STRA6: variants seen among roughly 807,000 people sequenced by gnomAD.
The protein encoded by STRA6 is signaling receptor and transporter of retinol STRA6.
In STRA6, 48 loss-of-function variants were observed where a neutral mutation model predicts 83.6. The ratio of observed to expected loss-of-function variants is 0.57; its 90% CI spans 0.46 to 0.73. STRA6 has a LOEUF of 0.73. Among genes scored for constraint, STRA6 ranks in the 30% least tolerant of loss-of-function variants. The probability of loss-of-function intolerance (pLI) is 0.00; values close to 1 mark genes in which losing one functional copy is unlikely to be tolerated. For missense variants in STRA6, 760 were observed against 838.8 expected, an observed-to-expected ratio of 0.91 and a Z score of 1.16; for synonymous variants, 353 against 362.3, an observed-to-expected ratio of 0.97 and a Z score of 0.29.
At chr15:74,193,677 C>CTGAGCA in intron 8 of STRA6, 123 bp downstream of exon 8, 1 of 1,523,396 alleles carries the variant, frequency 6.6e-7, no homozygotes, top group East Asian at 2.3e-5. Flanking sequence ...CAAACATTTT[C>CTGAGCA]TGAGCATCTA....
In STRA6 at chr15:74,189,295, T is replaced by A; in HGVS notation, c.928-18A>T. On this transcript the variant is annotated intron_variant, in intron 11 of 18. Transcript: ENST00000395105. ...AGGGCCACCTGGAAGAGCCCCACAGTGAGGGCCCCATCCCAGGAAAGGGTT... is the reference window on the plus strand; with the variant it reads ...AGGGCCACCTGGAAGAGCCCCACAGAGAGGGCCCCATCCCAGGAAAGGGTT... The A allele has an allele frequency of 6.3e-7, 1 of 1,580,408 alleles. No homozygotes were observed. Among genetic ancestry groups the A allele is most frequent in the Non-Finnish European group, 8.6e-7 (1 of 1,163,082 alleles).
At chr15:74,202,848 C>G, upstream of STRA6, 1 of 1,053,936 alleles carries the variant, frequency 9.5e-7, no homozygotes, top group South Asian at 4.4e-5. Context: ...CTGCCCCTTT[C>G]TGGCCCCTTT....
At chr15:74,212,086 AG>A, upstream of STRA6, 1 of 152,650 alleles carries the variant, frequency 6.6e-6, no homozygotes, top group Middle Eastern at 3.4e-3. Flanking sequence ...GTGCTGACTC[AG>A]TGCTGCCCCT....
At chr15:74,194,973 A>T in intron 7 of STRA6, 1 of 1,431,720 alleles carries the variant, frequency 7.0e-7, no homozygotes, top group Non-Finnish European at 9.1e-7. Flanking sequence ...CTCCAGCCTG[A>T]CCAAAGGGAA....
At chr15:74,195,275 C>T (rs2073754122) in intron 7 of STRA6, 27 bp downstream of exon 7, 7 of 1,609,674 alleles carry the variant, frequency 4.3e-6, no homozygotes, top group Non-Finnish European at 5.1e-6. Context: ...CGCCCCTCTG[C>T]CCTAGGCCAT....
intron 16 of STRA6, among the ~76,000 whole-genome samples, chr15:74,181,848 C>T (rs1222598445): frequency 6.6e-6 from 1 of 152,184 alleles, no homozygotes; most frequent in Non-Finnish European, 1.5e-5. Context: ...ACAGGGAACT[C>T]CCTTGCTACA....
chr15:74,202,552 G>C, intron 1 of STRA6, 161 bp downstream of exon 1: 1 of 1,471,272 alleles, frequency 6.8e-7, no homozygotes. Flanking sequence ...CTGTCCCCTT[G>C]GGGCCCCGGG....
chr15:74,196,207 C>G (rs2073814918), intron 4 of STRA6, 60 bp from the exon 5 acceptor site: 3 of 1,601,856 alleles, frequency 1.9e-6, no homozygotes, highest in Middle Eastern at 1.6e-4. Context: ...CCCCCATTAC[C>G]TCCCAGCTGT....
intron 16 of STRA6, among the ~76,000 whole-genome samples, chr15:74,181,829 T>C (rs2073007987): frequency 6.6e-6 from 1 of 152,168 alleles, no homozygotes; most frequent in African/African-American, 2.4e-5. Flanking sequence ...CCCACAGACT[T>C]GTCATCTGAC....
intron 2 of STRA6, among the ~76,000 whole-genome samples, chr15:74,200,797 T>G (rs1036556061): frequency 6.6e-6 from 1 of 152,224 alleles, no homozygotes; most frequent in East Asian, 1.9e-4. Context: ...GTCACCCACA[T>G]GAGGGACTGG....
chr15:74,207,265 G>C (rs1462154030), upstream of STRA6, among the ~76,000 whole-genome samples: 2 of 152,128 alleles, frequency 1.3e-5, no homozygotes, highest in East Asian at 3.8e-4. Flanking sequence ...AGCATCCCCA[G>C]AACCTCAGAA....
chr15:74,211,787 ACT>A (rs1205715395), upstream of STRA6, among the ~76,000 whole-genome samples: 1 of 149,504 alleles, frequency 6.7e-6, no homozygotes, highest in South Asian at 2.1e-4. Flanking sequence ...CTGGTATGCC[ACT>A]CTCTGTTTCA....
At chr15:74,181,608 G>T in intron 16 of STRA6, 150 bp from the exon 17 acceptor site, 2 of 1,128,690 alleles carry the variant, frequency 1.8e-6, no homozygotes, top group Non-Finnish European at 2.5e-6. Flanking sequence ...CCTGGGCAAG[G>T]CCTTCTCTCT....
At chr15:74,209,842 A>G (rs1179268095), upstream of STRA6, 2 of 170,966 alleles carry the variant, frequency 1.2e-5, no homozygotes, top group Non-Finnish European at 2.5e-5. Flanking sequence ...AGAGTAGATA[A>G]AGGCCGGGCC....
upstream of STRA6, among the ~76,000 whole-genome samples, chr15:74,210,006 A>G (rs545177338): frequency 2.6e-5 from 4 of 152,286 alleles, no homozygotes; most frequent in East Asian, 7.7e-4. Context: ...TGGAAGAGAG[A>G]AGGACAATGC....
intron 7 of STRA6, chr15:74,194,726 T>C: frequency 8.2e-7 from 1 of 1,214,462 alleles, no homozygotes. Context: ...GCTTCAAATA[T>C]GTTGTTGAAT....
At chr15:74,208,478 C>T (rs563831458) in intron 1 of STRA6, among the ~76,000 whole-genome samples, 1 of 152,176 alleles carries the variant, frequency 6.6e-6, no homozygotes, top group Non-Finnish European at 1.5e-5. Context: ...CCTGACTTCT[C>T]TCTCCTTGTT....
rs755195154 is a variant in STRA6 at position 74,195,486 on chromosome 15, CAG to C, written c.431-20_431-19del. On this transcript the variant is annotated intron_variant, in intron 6 of 18. Transcript: ENST00000395105. ...CCAGGCCCCTGGAAGGTGAAACAAG[CAG>C]AGAGACCCATGCTGGAGGGGCAGAC... 3.7e-6 allele frequency: 6 copies of C among 1,611,610 alleles called. No individual in the cohort carries two copies. The African/African-American group carries it at 4.0e-5, about 11-fold the overall frequency.
At chr15:74,198,088 C>A (rs1017313316) in intron 2 of STRA6, among the ~76,000 whole-genome samples, 5 of 151,828 alleles carry the variant, frequency 3.3e-5, no homozygotes, top group Non-Finnish European at 5.9e-5. Flanking sequence ...TAGACCGGCT[C>A]GGCCTGATCA....
Sources: allele counts gnomAD v4.1 joint callset (sites outside exome capture counted in the v4.1 genomes callset), GRCh38; gene constraint gnomAD v4.1.1; transcripts MANE v1.5; gene names NCBI Gene and HGNC (gene_info 2026-07-23, HGNC 2026-07-21).